MALRD1: variants seen among roughly 807,000 people sequenced by gnomAD.
MALRD1 encodes MAM and LDL-receptor class A domain-containing protein 1.
MALRD1 carries 247 observed loss-of-function variants against 242.1 expected under a neutral mutation model. The ratio of observed to expected loss-of-function variants is 1.02; its 90% confidence interval spans 0.92 to 1.13. The LOEUF (loss-of-function observed/expected upper bound fraction) is 1.13, where lower values mean the gene tolerates loss of function less well. Among genes scored for constraint, MALRD1 ranks in the 50% most tolerant of loss-of-function variants. The probability of loss-of-function intolerance (pLI) is 0.00; values close to 1 mark genes in which losing one functional copy is unlikely to be tolerated. For synonymous variants in MALRD1, 995 were observed against 866.6 expected (o/e 1.15, Z -2.60); for missense variants, 2,989 against 2,533.1 (o/e 1.18, Z -3.86).
intron 21 of MALRD1, among the ~76,000 whole-genome samples, chr10:19,291,701 GAGA>G (rs1841436135): frequency 6.6e-6 from 1 of 151,808 alleles, no homozygotes; most frequent in African/African-American, 2.4e-5. Context: ...ATTTTGATCA[GAGA>G]AGATTCATTT....
chr10:19,321,135 T>G (rs1377578831), intron 21 of MALRD1, among the ~76,000 whole-genome samples: 1 of 152,134 alleles, frequency 6.6e-6, no homozygotes, highest in African/African-American at 2.4e-5. Flanking sequence ...TGTCATGAAG[T>G]CTTTGCCCAT....
chr10:19,473,024 A>G (rs571860914), intron 29 of MALRD1, among the ~76,000 whole-genome samples: 18 of 150,960 alleles, frequency 1.2e-4, no homozygotes, highest in South Asian at 2.1e-4. Context: ...TCCAATGACA[A>G]TATTCCACAC....
intron 32 of MALRD1, among the ~76,000 whole-genome samples, chr10:19,548,277 G>A (rs1835331181): frequency 6.6e-6 from 1 of 151,924 alleles, no homozygotes; most frequent in Non-Finnish European, 1.5e-5. Flanking sequence ...GGGATTACAG[G>A]CGTGAACCAC....
rs142328460 is a variant in MALRD1 at position 19,549,399 on chromosome 10, C to T, written c.5478+18048C>T. ...AAATCTTTTGAGCAAGAAAGTCGAT[C>T]GTGCAGCAAACTTATTGTCTTGTTT... is the stretch of plus-strand genomic sequence containing the variant. On this transcript the variant is annotated intron_variant, in intron 32 of 39. Coordinates refer to ENST00000454679, the MANE Select transcript of MALRD1 (RefSeq NM_001142308.3). Among the ~76,000 whole-genome samples, 23 of 152,240 alleles carry T rather than the reference C, an allele frequency of 1.5e-4. No individual in the cohort carries two copies. The East Asian group carries it at 3.7e-3, about 24-fold the overall frequency.
rs1834405003 is a variant in MALRD1 at position 19,048,849 on chromosome 10, G to A, written c.-90G>A. The A allele has an allele frequency of 3.9e-6, 4 of 1,037,076 alleles. No individual in the cohort carries two copies. The highest frequency in any genetic ancestry group is 4.9e-6 in the Non-Finnish European group (4 of 809,754). The allele number at this position is 1,037,076 out of a possible 1,614,324, so 64.2% of individuals were successfully genotyped here. ...GTATCCAGTTATAAGAAGCAAATCT[G>A]GGAAAGGAAGAATAGAGAAATAAAA... On this transcript the variant is annotated 5_prime_UTR_variant, in exon 1 of 40. Coordinates refer to ENST00000454679, the MANE Select transcript of MALRD1 (RefSeq NM_001142308.3).
intron 5 of MALRD1, among the ~76,000 whole-genome samples, chr10:19,111,875 A>G (rs1313603124): frequency 6.6e-6 from 1 of 152,218 alleles, no homozygotes; most frequent in African/African-American, 2.4e-5. Context: ...CAGCATGAAG[A>G]TTAATAATAG....
At chr10:19,556,930 G>T (rs1230801054) in intron 32 of MALRD1, among the ~76,000 whole-genome samples, 1 of 152,120 alleles carries the variant, frequency 6.6e-6, no homozygotes, top group Non-Finnish European at 1.5e-5. Context: ...GAGAGTTCCT[G>T]TGGCTCTATA....
At chr10:19,686,185 A>G (rs975680773) in intron 36 of MALRD1, among the ~76,000 whole-genome samples, 7 of 1,844 alleles carry the variant, frequency 3.8e-3, no homozygotes, top group African/African-American at 0.015. Flanking sequence ...AAAAAGGAGT[A>G]AAGTACACTG....
At chr10:19,353,748 A>G (rs1019250553) in intron 26 of MALRD1, among the ~76,000 whole-genome samples, 2 of 152,166 alleles carry the variant, frequency 1.3e-5, no homozygotes, top group Non-Finnish European at 2.9e-5. Context: ...TCTGTGTGGG[A>G]TGTTTGATGG....
At chr10:19,231,479 A>G (rs1305565680) in intron 18 of MALRD1, among the ~76,000 whole-genome samples, 1 of 152,088 alleles carries the variant, frequency 6.6e-6, no homozygotes, top group Non-Finnish European at 1.5e-5. Flanking sequence ...TCTCACCTTG[A>G]TTGTAATTAT....
chr10:19,590,826 G>T (rs1309146824), intron 33 of MALRD1, among the ~76,000 whole-genome samples: 3 of 151,946 alleles, frequency 2.0e-5, no homozygotes, highest in African/African-American at 7.3e-5. Flanking sequence ...AGTCTTCCCT[G>T]CTATTAACAT....
In MALRD1 at chr10:19,124,215, C is replaced by G. The variant is rs111956461; in HGVS notation, c.797-309C>G. Among the ~76,000 whole-genome samples the G allele has an allele frequency of 3.3e-3, 498 of 152,128 alleles. 2 individuals carry two copies. Among genetic ancestry groups the G allele is most frequent in the African/African-American group, 0.012 (478 of 41,496 alleles). On this transcript the variant is annotated intron_variant, in intron 6 of 39. Coordinates refer to ENST00000454679, the MANE Select transcript of MALRD1 (RefSeq NM_001142308.3). ...TGGGTGGCAGAACAAGACCCTGTCT[C>G]TTAAAAAAATTAAAACATATTGTGA...
chr10:19,481,211 C>T (rs926361523), intron 29 of MALRD1, among the ~76,000 whole-genome samples: 2 of 152,118 alleles, frequency 1.3e-5, no homozygotes, highest in Admixed American at 6.6e-5. Flanking sequence ...AATACATGGT[C>T]CAGTAACTCT....
Position 19,279,270 on chromosome 10 carries a change from G to T in MALRD1, c.3080-777G>T, listed in dbSNP as rs887588156. On this transcript the variant is annotated intron_variant, in intron 19 of 39. Coordinates refer to ENST00000454679, the MANE Select transcript of MALRD1 (RefSeq NM_001142308.3). ...GTTGTTTTTCAATAACTAACATATA[G>T]GAATACATTGAAATAGAGATTTCTT... 5.3e-5 allele frequency among the ~76,000 whole-genome samples: 8 copies of T among 152,320 alleles called. No individual in the cohort carries two copies. The South Asian group carries it at 6.2e-4, about 12-fold the overall frequency.
At chr10:19,536,758 C>T (rs1834697969) in intron 32 of MALRD1, among the ~76,000 whole-genome samples, 1 of 152,066 alleles carries the variant, frequency 6.6e-6, no homozygotes, top group Non-Finnish European at 1.5e-5. Flanking sequence ...ATTACATTAA[C>T]TTATTTCTGA....
At chr10:19,540,804 A>G (rs1229897930) in intron 32 of MALRD1, among the ~76,000 whole-genome samples, 1 of 152,196 alleles carries the variant, frequency 6.6e-6, no homozygotes, top group Non-Finnish European at 1.5e-5. Flanking sequence ...TTACAAAAAT[A>G]TATATATTTT....
At chr10:19,300,240 G>T (rs548441265) in intron 21 of MALRD1, among the ~76,000 whole-genome samples, 1 of 151,916 alleles carries the variant, frequency 6.6e-6, no homozygotes, top group South Asian at 2.1e-4. Flanking sequence ...AAACGGAAAA[G>T]AAATTCATGC....
chr10:19,135,743 A>C (rs181104058), intron 9 of MALRD1, among the ~76,000 whole-genome samples: 108 of 152,292 alleles, frequency 7.1e-4, no homozygotes, highest in Middle Eastern at 6.8e-3. Flanking sequence ...CTCATGGCTA[A>C]TGTTTTGGAC....
At chr10:19,687,314 C>T (rs1375072177) in intron 36 of MALRD1, among the ~76,000 whole-genome samples, 1 of 152,176 alleles carries the variant, frequency 6.6e-6, no homozygotes, top group African/African-American at 2.4e-5. Flanking sequence ...AAGGGCTCTT[C>T]TAGTCCTTAA....
Sources: gnomAD v4.1 joint callset for allele counts (sites outside exome capture counted in the v4.1 genomes callset) on GRCh38, gnomAD v4.1.1 for gene constraint, MANE v1.5 for transcripts, NCBI Gene and HGNC (gene_info 2026-07-23, HGNC 2026-07-21) for gene names.